SHROOM3: variants seen among roughly 807,000 people sequenced by gnomAD.
The protein encoded by SHROOM3 is protein Shroom3.
A neutral mutation model predicts 138.6 loss-of-function variants in SHROOM3; 47 were observed. That is an observed-to-expected ratio of 0.34 (90% CI 0.27 to 0.43). The LOEUF (loss-of-function observed/expected upper bound fraction) is 0.43, where lower values mean the gene tolerates loss of function less well. Among genes scored for constraint, SHROOM3 ranks in the 20% least tolerant of loss-of-function variants. SHROOM3 has a pLI of 1.00. For synonymous variants in SHROOM3, 1,062 were observed against 1,063.3 expected (o/e 1.00, Z 0.02); for missense variants, 2,491 against 2,596.5 (o/e 0.96, Z 0.88).
intron 7 of SHROOM3, among the ~76,000 whole-genome samples, 193 bp downstream of exon 7, chr4:76,755,385 G>A (rs781035547): frequency 1.3e-5 from 2 of 152,182 alleles, no homozygotes; most frequent in Non-Finnish European, 2.9e-5. Flanking sequence ...AGGAGTCAGG[G>A]TGGCAGAAAT....
intron 2 of SHROOM3, among the ~76,000 whole-genome samples, chr4:76,707,266 G>T (rs1720085058): frequency 6.6e-6 from 1 of 152,180 alleles, no homozygotes; most frequent in African/African-American, 2.4e-5. Context: ...CTGCCAAACT[G>T]AAAGGAAGGA....
intron 1 of SHROOM3, among the ~76,000 whole-genome samples, chr4:76,534,802 C>T (rs1732915802): frequency 6.6e-6 from 1 of 152,144 alleles, no homozygotes; most frequent in Non-Finnish European, 1.5e-5. Context: ...CTAACCCCTG[C>T]AGGCTATACT....
At chr4:76,617,580 T>C (rs1734909807) in intron 2 of SHROOM3, among the ~76,000 whole-genome samples, 1 of 152,212 alleles carries the variant, frequency 6.6e-6, no homozygotes, top group South Asian at 2.1e-4. Context: ...TTCAACTTTG[T>C]AGACTTATGC....
intron 2 of SHROOM3, among the ~76,000 whole-genome samples, chr4:76,576,580 G>A (rs1263464492): frequency 2.0e-5 from 3 of 152,222 alleles, no homozygotes; most frequent in East Asian, 3.9e-4. Flanking sequence ...CCTACTCTTT[G>A]ATAGCACAAC....
Position 76,780,735 on chromosome 4 carries a change from G to T in SHROOM3, c.*1558G>T, listed in dbSNP as rs530870462. Reference sequence around the variant, plus strand: ...CATAGTCAACCAAAGCTATGGCTTTGTTCTTTGGAGCTTATATACTGCATG... The same window carrying T: ...CATAGTCAACCAAAGCTATGGCTTTTTTCTTTGGAGCTTATATACTGCATG... On this transcript the variant is annotated 3_prime_UTR_variant, in exon 11 of 11. Coordinates refer to ENST00000296043, the MANE Select transcript of SHROOM3 (RefSeq NM_020859.4). 6.6e-6 allele frequency: 1 copy of T among 152,214 alleles called. No individual in the cohort carries two copies. Among genetic ancestry groups the T allele is most frequent in the Admixed American group, 6.5e-5 (1 of 15,292 alleles). 9.4% of individuals were successfully genotyped at this position (152,214 alleles called of 1,614,324 possible). A position where few individuals can be genotyped will look rare whatever the true frequency, so the allele number is the denominator to read the frequency against.
Position 76,452,401 on chromosome 4 carries a change from C to T in SHROOM3, c.168+16181C>T, listed in dbSNP as rs143286932. Among the ~76,000 whole-genome samples, 108 of 152,298 alleles carry T rather than the reference C, an allele frequency of 7.1e-4. 1 individual carries two copies. The East Asian group carries it at 0.02, about 29-fold the overall frequency. On this transcript the variant is annotated intron_variant, in intron 1 of 10. Coordinates refer to ENST00000296043, the MANE Select transcript of SHROOM3 (RefSeq NM_020859.4). ...ATTCTCCATTCCTTCCAGTCCCTAG[C>T]CCTTAGCCCCTGGCAACCGCCATTC...
chr4:76,684,826 C>T (rs1003701680), intron 2 of SHROOM3, among the ~76,000 whole-genome samples: 7 of 152,178 alleles, frequency 4.6e-5, no homozygotes, highest in Admixed American at 1.3e-4. Flanking sequence ...AACTCTGAGA[C>T]GCTGAAAGAA....
chr4:76,590,389 A>T (rs1400288663), intron 2 of SHROOM3, among the ~76,000 whole-genome samples: 1 of 152,046 alleles, frequency 6.6e-6, no homozygotes, highest in Non-Finnish European at 1.5e-5. Flanking sequence ...GTATTTCAGG[A>T]ATGTTAATGG....
chr4:76,628,027 G>C (rs1735197407), intron 2 of SHROOM3, among the ~76,000 whole-genome samples: 2 of 152,064 alleles, frequency 1.3e-5, no homozygotes, highest in Admixed American at 6.6e-5. Context: ...TACCATGTAG[G>C]CCTTTTGAAA....
chr4:76,733,483 C>T (rs926797424), intron 4 of SHROOM3, among the ~76,000 whole-genome samples: 4 of 152,006 alleles, frequency 2.6e-5, no homozygotes, highest in African/African-American at 4.8e-5. Context: ...ATGTTACAGG[C>T]GTGTGCATTC....
intron 1 of SHROOM3, among the ~76,000 whole-genome samples, chr4:76,523,594 A>G (rs1231739970): frequency 1.3e-5 from 2 of 152,226 alleles, no homozygotes; most frequent in African/African-American, 4.8e-5. Flanking sequence ...ATACTATATC[A>G]AAAGAAGACA....
chr4:76,641,558 T>C (rs890123872), intron 2 of SHROOM3, among the ~76,000 whole-genome samples: 1 of 152,212 alleles, frequency 6.6e-6, no homozygotes, highest in Admixed American at 6.5e-5. Flanking sequence ...AACATTTGCA[T>C]GTCACAGGCT....
At chr4:76,448,345 TTTC>T (rs1434236089) in intron 1 of SHROOM3, among the ~76,000 whole-genome samples, 2 of 152,200 alleles carry the variant, frequency 1.3e-5, no homozygotes, top group East Asian at 3.8e-4. Flanking sequence ...GTTCTCGTTT[TTTC>T]TTCTTATACC....
rs1434817912 is a variant in SHROOM3 at position 76,781,000 on chromosome 4, C to G, written c.*1823C>G. The stretch of plus-strand genomic sequence containing the variant: ...CAGGTGGAAGACAGCCAGCAAACGT[C>G]TACAGTTATTCTTAGTGAAATTCCT... On this transcript the variant is annotated 3_prime_UTR_variant, in exon 11 of 11. Transcript: ENST00000296043. 1 of 152,194 alleles carries G rather than the reference C, an allele frequency of 6.6e-6. No homozygotes were observed. Among genetic ancestry groups the G allele is most frequent in the Non-Finnish European group, 1.5e-5 (1 of 68,054 alleles). 9.4% of individuals were successfully genotyped at this position (152,194 alleles called of 1,614,324 possible).
At chr4:76,526,963 G>C (rs1732702677) in intron 1 of SHROOM3, among the ~76,000 whole-genome samples, 1 of 152,178 alleles carries the variant, frequency 6.6e-6, no homozygotes, top group African/African-American at 2.4e-5. Context: ...AACAATGGTA[G>C]CATACATTCT....
chr4:76,690,965 C>G (rs1490388197), intron 2 of SHROOM3, among the ~76,000 whole-genome samples: 1 of 152,152 alleles, frequency 6.6e-6, no homozygotes, highest in Non-Finnish European at 1.5e-5. Context: ...TTCACATTGC[C>G]CATGAGTTGG....
At chr4:76,673,177 A>T (rs1718937908) in intron 2 of SHROOM3, among the ~76,000 whole-genome samples, 1 of 152,122 alleles carries the variant, frequency 6.6e-6, no homozygotes, top group African/African-American at 2.4e-5. Flanking sequence ...CCCAGGTAAT[A>T]AGTAATTGAG....
At chr4:76,557,226 TACACAC>T (rs35294663) in intron 2 of SHROOM3, among the ~76,000 whole-genome samples, 1,535 of 142,004 alleles carry the variant, frequency 0.011, 11 homozygotes, top group African/African-American at 0.028. Context: ...TGTTTATGTA[TACACAC>T]ACACACACAC....
chr4:76,778,223 T>A (rs1233948865), intron 10 of SHROOM3, among the ~76,000 whole-genome samples: 1 of 90,068 alleles, frequency 1.1e-5, no homozygotes, highest in Admixed American at 1.1e-4. Context: ...ACCTTGATGA[T>A]TTTTTTTTTT....
Sources: allele counts gnomAD v4.1 joint callset (sites outside exome capture counted in the v4.1 genomes callset), GRCh38; gene constraint gnomAD v4.1.1; transcripts MANE v1.5; gene names NCBI Gene and HGNC (gene_info 2026-07-23, HGNC 2026-07-21).